Variants in CASR observed in about 807,000 individuals in gnomAD.
CASR encodes extracellular calcium-sensing receptor.
A neutral mutation model predicts 69.1 loss-of-function variants in CASR; 23 were observed. That is an observed-to-expected ratio of 0.33 (90% CI 0.24 to 0.47). The LOEUF (loss-of-function observed/expected upper bound fraction) is 0.47. Ranked by LOEUF, CASR falls within the 20% of genes least tolerant of loss-of-function variation. The probability of loss-of-function intolerance (pLI) is 1.00; values close to 1 mark genes in which losing one functional copy is unlikely to be tolerated. For missense variants in CASR, 924 were observed against 1,356.1 expected (o/e 0.68, Z 5.00); for synonymous variants, 541 against 544.7 (o/e 0.99, Z 0.10).
intron 1 of CASR, among the ~76,000 whole-genome samples, chr3:122,234,690 A>T (rs1419443388): frequency 6.6e-6 from 1 of 152,216 alleles, no homozygotes; most frequent in African/African-American, 2.4e-5. Context: ...TCTTACCCTG[A>T]CCAGCTGGAC....
chr3:122,235,128 TC>T (rs2107610941), intron 1 of CASR, among the ~76,000 whole-genome samples: 1 of 151,868 alleles, frequency 6.6e-6, no homozygotes, highest in African/African-American at 2.4e-5. Context: ...GTAAACAGGG[TC>T]CCAGACCTTC....
chr3:122,275,394 G>A (rs2074805020), intron 4 of CASR, among the ~76,000 whole-genome samples: 1 of 152,206 alleles, frequency 6.6e-6, no homozygotes, highest in South Asian at 2.1e-4. Flanking sequence ...GAGAATAAGA[G>A]CACTCAGTCA....
intron 1 of CASR, among the ~76,000 whole-genome samples, chr3:122,199,852 T>C (rs1268750810): frequency 6.6e-6 from 1 of 151,836 alleles, no homozygotes; most frequent in Admixed American, 6.6e-5. Context: ...ACAACATTTA[T>C]TGTATACTTT....
intron 1 of CASR, among the ~76,000 whole-genome samples, chr3:122,208,460 G>A (rs893392813): frequency 1.3e-5 from 2 of 152,060 alleles, no homozygotes; most frequent in African/African-American, 4.8e-5. Context: ...TACTAAGCTG[G>A]CTGAAACCTC....
chr3:122,251,234 A>G lies in CASR; in HGVS notation c.-242-2714A>G, dbSNP rs529019690. ...AATGATTAAGAGATTGAGCTCTGGA[A>G]TCAGACGTTTATGAACATAACTGTA... On this transcript the variant is annotated intron_variant, in intron 1 of 6. Coordinates refer to ENST00000639785, the MANE Select transcript of CASR (RefSeq NM_000388.4). 2.6e-5 allele frequency among the ~76,000 whole-genome samples: 4 copies of G among 152,360 alleles called. No homozygotes were observed. In the East Asian group the frequency reaches 5.8e-4, roughly 22 times the overall value.
chr3:122,254,594 G>T (rs1181509032), intron 2 of CASR, among the ~76,000 whole-genome samples: 3 of 151,986 alleles, frequency 2.0e-5, no homozygotes, highest in African/African-American at 4.8e-5. Flanking sequence ...GAAAATCCAT[G>T]CATGGCCTGT....
At chr3:122,245,975 T>A (rs1375124480) in intron 1 of CASR, among the ~76,000 whole-genome samples, 1 of 152,198 alleles carries the variant, frequency 6.6e-6, no homozygotes, top group Non-Finnish European at 1.5e-5. Context: ...ACTTCCCTTT[T>A]CAGTAAGAAG....
At position 122,284,215 on chromosome 3, in the gene CASR, A is replaced by T; in HGVS notation, c.2261A>T (p.Gln754Leu). 6.2e-7 allele frequency: 1 copy of T among 1,614,042 alleles called. No homozygotes were observed. Among genetic ancestry groups the T allele is most frequent in the Non-Finnish European group, 8.5e-7 (1 of 1,180,006 alleles). The change falls in exon 7 of 7, where the codon CAG (glutamine) becomes CTG (leucine). Residue 754 changes from glutamine to leucine, a missense_variant. This residue lies in a region of CASR where 184 missense variants were observed against 278.8 expected (regional missense o/e 0.66). Transcript: ENST00000639785. ...GCGCCCCCGTCAAGCTACCGCAACC[A>T]GGAGCTGGAGGATGAGATCATCTTC... ...YTAPPSSYRN[Q>L]ELEDEIIFIT...
chr3:122,264,633 G>A (rs2074667103), intron 4 of CASR, among the ~76,000 whole-genome samples: 1 of 152,156 alleles, frequency 6.6e-6, no homozygotes, highest in South Asian at 2.1e-4. Context: ...ATCTCCCCAG[G>A]AGACAGCACA....
intron 1 of CASR, among the ~76,000 whole-genome samples, chr3:122,212,805 C>G (rs970887432): frequency 6.6e-6 from 1 of 152,024 alleles, no homozygotes; most frequent in Admixed American, 6.5e-5. Context: ...CCATGCGTGG[C>G]TAATTTTTGT....
intron 5 of CASR, among the ~76,000 whole-genome samples, chr3:122,281,443 A>G (rs2074886179): frequency 6.6e-6 from 1 of 152,206 alleles, no homozygotes; most frequent in Admixed American, 6.5e-5. Context: ...GTGATAGTGG[A>G]TATCCTTGTT....
chr3:122,231,099 T>A (rs2074274134), intron 1 of CASR, among the ~76,000 whole-genome samples: 1 of 152,154 alleles, frequency 6.6e-6, no homozygotes, highest in South Asian at 2.1e-4. Flanking sequence ...TCAGAAAGTG[T>A]CATGATCATG....
intron 1 of CASR, among the ~76,000 whole-genome samples, chr3:122,237,262 A>G (rs1371777103): frequency 6.6e-6 from 1 of 152,012 alleles, no homozygotes; most frequent in Non-Finnish European, 1.5e-5. Flanking sequence ...GGAGTGCACC[A>G]CCACGCCCGA....
chr3:122,252,358 A>G (rs374454990), intron 1 of CASR, among the ~76,000 whole-genome samples: 51 of 53,372 alleles, frequency 9.6e-4, no homozygotes, highest in South Asian at 3.8e-3. Context: ...AAAGAAAGAA[A>G]GAAAGAAGGA....
At chr3:122,184,244 A>T (rs2073750946) in intron 1 of CASR, 2 of 152,628 alleles carry the variant, frequency 1.3e-5, no homozygotes, top group Admixed American at 1.3e-4. Flanking sequence ...GCAGTTGGGG[A>T]CCCCGAGGGG....
chr3:122,184,383 C>T (rs973486465), intron 1 of CASR: 4 of 152,708 alleles, frequency 2.6e-5, no homozygotes, highest in Non-Finnish European at 5.8e-5. Flanking sequence ...CGCAGCGAGC[C>T]AGACGCGCCT....
intron 1 of CASR, among the ~76,000 whole-genome samples, chr3:122,253,056 T>C (rs2074514945): frequency 1.3e-5 from 2 of 152,182 alleles, no homozygotes; most frequent in African/African-American, 4.8e-5. Context: ...ATCTAATCCA[T>C]GATTTCTCTG....
rs1332311514 is a variant in CASR, at chr3:122,283,763, C to A, written c.1809C>A (p.Ile603=). 2.5e-6 allele frequency: 4 copies of A among 1,613,994 alleles called. No homozygotes were observed. Among genetic ancestry groups the A allele is most frequent in the South Asian group, 2.2e-5 (2 of 91,082 alleles). The change falls in exon 7 of 7, where the codon ATC becomes ATA. Residue 603 remains isoleucine, a synonymous_variant. Transcript: ENST00000639785. ...ACACCTCCTGCATTGCCAAGGAGAT[C>A]GAGTTTCTGTCGTGGACGGAGCCCT... is the stretch of plus-strand genomic sequence containing the variant. ...ENHTSCIAKE[I]EFLSWTEPFG...
Position 122,257,348 on chromosome 3 carries a change from G to A in CASR, c.453G>A (p.Thr151=), listed in dbSNP as rs201849172. 48 of 1,613,976 alleles carry A rather than the reference G, an allele frequency of 3.0e-5. No individual in the cohort carries two copies. The highest frequency in any genetic ancestry group is 8.8e-5 in the South Asian group (8 of 91,090). Residue 151 remains threonine (T), a synonymous_variant, in exon 3 of 7, where the codon ACG becomes ACA. Coordinates refer to ENST00000639785, the MANE Select transcript of CASR (RefSeq NM_000388.4). ...GAGCAACTGGCTCAGGCGTCTCCAC[G>A]GCAGTGGCAAATCTGCTGGGGCTCT... is the stretch of plus-strand genomic sequence containing the variant. ...VVGATGSGVS[T]AVANLLGLFY... is the part of the protein sequence containing the mutation.
Sources: allele counts gnomAD v4.1 joint callset (sites outside exome capture counted in the v4.1 genomes callset), GRCh38; gene constraint gnomAD v4.1.1; regional missense constraint gnomAD v4.1.1; transcripts MANE v1.5; gene names NCBI Gene and HGNC (gene_info 2026-07-23, HGNC 2026-07-21).